The following XYLT1 variants were observed in gnomAD, a reference collection of about 807,000 sequenced individuals.
XYLT1 encodes the protein xylosyltransferase 1.
A neutral mutation model predicts 91.3 loss-of-function variants in XYLT1; 36 were observed. The ratio of observed to expected loss-of-function variants is 0.39; its 90% CI spans 0.30 to 0.52. The LOEUF is 0.52. Ranked by LOEUF, XYLT1 falls within the 20% of genes least tolerant of loss-of-function variation. The probability of loss-of-function intolerance (pLI) is 0.68; values close to 1 mark genes in which losing one functional copy is unlikely to be tolerated. For missense variants in XYLT1, 1,242 were observed against 1,284.5 expected (o/e 0.97, Z 0.51); for synonymous variants, 588 against 532.0 (o/e 1.11, Z -1.45).
chr16:17,253,859 A>AGAGTGAGAGAGAGAGAGAGC (rs1555491314), intron 3 of XYLT1, among the ~76,000 whole-genome samples: 2 of 146,146 alleles, frequency 1.4e-5, no homozygotes, highest in Non-Finnish European at 3.0e-5. Context: ...AGAGAGAGAG[A>AGAGTGAGAGAGAGAGAGAGC]GAGCGAGCCT....
intron 5 of XYLT1, among the ~76,000 whole-genome samples, chr16:17,164,266 C>T (rs892942448): frequency 1.3e-5 from 2 of 150,396 alleles, no homozygotes; most frequent in Non-Finnish European, 3.0e-5. Flanking sequence ...TCTTATGCAC[C>T]AATGTTTGTG....
intron 2 of XYLT1, among the ~76,000 whole-genome samples, chr16:17,321,393 T>C (rs112166574): frequency 8.0e-6 from 1 of 124,234 alleles, no homozygotes; most frequent in Non-Finnish European, 1.6e-5. Flanking sequence ...AGTCTCACTT[T>C]GTCATCCAGG....
At chr16:17,385,423 C>A (rs2035737092) in intron 1 of XYLT1, among the ~76,000 whole-genome samples, 1 of 151,768 alleles carries the variant, frequency 6.6e-6, no homozygotes, top group African/African-American at 2.4e-5. Context: ...AAGAAAGTAG[C>A]CTTGTCTGAT....
intron 9 of XYLT1, among the ~76,000 whole-genome samples, chr16:17,130,283 T>A (rs760395428): frequency 1.1e-4 from 17 of 152,240 alleles, no homozygotes; most frequent in Admixed American, 3.9e-4. Context: ...TGCATATTGT[T>A]TCAAAACACT....
intron 5 of XYLT1, among the ~76,000 whole-genome samples, chr16:17,196,722 T>C (rs1410276001): frequency 6.6e-6 from 1 of 152,154 alleles, no homozygotes; most frequent in African/African-American, 2.4e-5. Context: ...CTTTTCACCC[T>C]TGTCAGCAAA....
At chr16:17,269,999 G>C (rs2033863557) in intron 2 of XYLT1, among the ~76,000 whole-genome samples, 1 of 151,996 alleles carries the variant, frequency 6.6e-6, no homozygotes, top group Non-Finnish European at 1.5e-5. Flanking sequence ...ATTTTTAGTA[G>C]AGATGGGATT....
intron 3 of XYLT1, among the ~76,000 whole-genome samples, chr16:17,211,920 G>T (rs1196923364): frequency 6.6e-6 from 1 of 152,222 alleles, no homozygotes; most frequent in Non-Finnish European, 1.5e-5. Flanking sequence ...ATGTTTAGCA[G>T]CATCGCTGGA....
chr16:17,324,171 G>C (rs2034766224), intron 2 of XYLT1, among the ~76,000 whole-genome samples: 1 of 151,616 alleles, frequency 6.6e-6, no homozygotes, highest in Non-Finnish European at 1.5e-5. Context: ...AGACAACAAG[G>C]GAAAAAAGTG....
intron 6 of XYLT1, among the ~76,000 whole-genome samples, chr16:17,154,853 C>T (rs999271839): frequency 1.3e-5 from 2 of 152,124 alleles, no homozygotes; most frequent in African/African-American, 4.8e-5. Flanking sequence ...TTAGGAGCTA[C>T]GTGGAATTAA....
intron 3 of XYLT1, among the ~76,000 whole-genome samples, chr16:17,203,618 AT>A (rs2032584139): frequency 1.3e-5 from 2 of 152,008 alleles, no homozygotes; most frequent in Admixed American, 6.6e-5. Context: ...TCGTTCATGC[AT>A]TTATTCATCC....
At chr16:17,156,781 C>T (rs1394779260) in intron 6 of XYLT1, among the ~76,000 whole-genome samples, 1 of 152,140 alleles carries the variant, frequency 6.6e-6, no homozygotes, top group East Asian at 1.9e-4. Context: ...CTAATCTGTG[C>T]TAATTTACAG....
intron 6 of XYLT1, among the ~76,000 whole-genome samples, chr16:17,156,871 C>A (rs1486914835): frequency 6.6e-6 from 1 of 151,878 alleles, no homozygotes; most frequent in South Asian, 2.1e-4. Context: ...GGGGCAGGAA[C>A]AATCCATAAA....
chr16:17,303,409 G>A (rs1415106262), intron 2 of XYLT1, among the ~76,000 whole-genome samples: 2 of 152,184 alleles, frequency 1.3e-5, no homozygotes, highest in Non-Finnish European at 2.9e-5. Flanking sequence ...TAATCTATCT[G>A]GTCCTCTACA....
intron 2 of XYLT1, among the ~76,000 whole-genome samples, chr16:17,262,885 G>C (rs368613415): frequency 2.0e-5 from 3 of 152,142 alleles, no homozygotes; most frequent in East Asian, 3.8e-4. Flanking sequence ...GAGCTAACCT[G>C]ATCTCCTTTC....
At position 17,134,694 on chromosome 16, in the gene XYLT1, G is replaced by A. The variant is rs765295954; in HGVS notation, c.1806C>T (p.Ala602=). The change falls in exon 9 of 12, where the codon GCC becomes GCT. Residue 602 remains alanine, a synonymous_variant. Transcript: ENST00000261381. ...GCCCAATGATTTCCTGATTCACCAC[G>A]GCTTCAAACTTGCGGGCAAAGAAGG... is the stretch of plus-strand genomic sequence containing the variant. ...RPTFFARKFE[A]VVNQEIIGQL... The A allele has an allele frequency of 1.5e-5, 24 of 1,614,028 alleles. No homozygotes were observed. Among genetic ancestry groups the A allele is most frequent in the East Asian group, 1.1e-4 (5 of 44,884 alleles).
At chr16:17,329,662 G>A (rs182459810) in intron 2 of XYLT1, among the ~76,000 whole-genome samples, 14 of 152,242 alleles carry the variant, frequency 9.2e-5, no homozygotes, top group Middle Eastern at 3.4e-3. Context: ...AGGGAATTAC[G>A]TGCTCCAAAC....
chr16:17,311,824 T>C (rs1422226977), intron 2 of XYLT1, among the ~76,000 whole-genome samples: 3 of 93,052 alleles, frequency 3.2e-5, no homozygotes, highest in Non-Finnish European at 5.4e-5. Context: ...AGGCACGTCT[T>C]ACATGGCAGC....
chr16:17,346,529 C>T (rs1029350242), intron 2 of XYLT1, among the ~76,000 whole-genome samples: 1 of 152,142 alleles, frequency 6.6e-6, no homozygotes, highest in African/African-American at 2.4e-5. Flanking sequence ...ATCTTCCAAC[C>T]CCACTCTTCC....
chr16:17,252,623 A>G (rs1311396098), intron 3 of XYLT1, among the ~76,000 whole-genome samples: 2 of 152,154 alleles, frequency 1.3e-5, no homozygotes, highest in Non-Finnish European at 2.9e-5. Context: ...TTTTCTCTGG[A>G]AAGTAAAGGA....
Sources: allele counts gnomAD v4.1 joint callset (sites outside exome capture counted in the v4.1 genomes callset), GRCh38; gene constraint gnomAD v4.1.1; transcripts MANE v1.5; gene names NCBI Gene and HGNC (gene_info 2026-07-23, HGNC 2026-07-21).